The following CES1 variants were observed in gnomAD, a reference collection of about 807,000 sequenced individuals.
CES1 encodes the protein carboxylesterase 1.
Under a neutral mutation model 53.0 loss-of-function variants are expected in CES1, and 50 were observed. The ratio of observed to expected loss-of-function variants is 0.94; its 90% confidence interval spans 0.75 to 1.19. The LOEUF (loss-of-function observed/expected upper bound fraction) is 1.19, where lower values mean the gene tolerates loss of function less well. Ranked by LOEUF, CES1 falls within the 50% of genes most tolerant of loss-of-function variation. CES1 has a pLI of 0.00. For synonymous variants in CES1, 202 were observed against 210.1 expected (o/e 0.96, Z 0.33); for missense variants, 534 against 538.0 (o/e 0.99, Z 0.07).
At chr16:55,832,405 A>G (rs1157257414) in intron 1 of CES1, among the ~76,000 whole-genome samples, 1 of 152,204 alleles carries the variant, frequency 6.6e-6, no homozygotes, top group Non-Finnish European at 1.5e-5. Context: ...ACGTTTTTAA[A>G]CAGCGCCTTT....
chr16:55,830,819 A>AAGGAAGGAAGGCAGGCAGGCAGGC (rs1454708070), intron 1 of CES1, among the ~76,000 whole-genome samples: 25 of 127,344 alleles, frequency 2.0e-4, no homozygotes, highest in African/African-American at 6.6e-4. Context: ...GGAAGGAAGG[A>AAGGAAGGAAGGCAGGCAGGCAGGC]AGGCAGGCAG....
intron 7 of CES1, among the ~76,000 whole-genome samples, chr16:55,818,371 C>T (rs530771629): frequency 1.3e-5 from 2 of 152,340 alleles, no homozygotes; most frequent in South Asian, 4.1e-4. Flanking sequence ...GTTCTGGGTC[C>T]TACAGTGTTG....
At chr16:55,821,339 G>A (rs374725454) in intron 5 of CES1, 29 bp downstream of exon 5, 38 of 1,613,874 alleles carry the variant, frequency 2.4e-5, no homozygotes, top group Non-Finnish European at 3.2e-5. Flanking sequence ...ATCAAGCGTG[G>A]GGTTGGGCCT....
chr16:55,813,102 A>G lies in CES1; in HGVS notation c.946-59T>C, dbSNP rs530305153. The G allele has an allele frequency of 1.5e-4, 247 of 1,608,580 alleles. 1 individual carries two copies. Among genetic ancestry groups the G allele is most frequent in the Middle Eastern group, 9.9e-4 (6 of 6,040 alleles). The stretch of plus-strand genomic sequence containing the variant: ...CTCCCTAGTCACACCCATGTCCCCA[A>G]CTCTGCCTGTCTGAGGGTGAGACCA... On this transcript the variant is annotated intron_variant, in intron 8 of 13. Transcript: ENST00000360526.
At chr16:55,828,689 G>C (rs1182842420) in intron 2 of CES1, 78 bp downstream of exon 2, 33 of 1,507,940 alleles carry the variant, frequency 2.2e-5, no homozygotes, top group Non-Finnish European at 2.9e-5. Context: ...CAAAGGATCA[G>C]CCCGTCAGGG....
rs535426280 is a variant in CES1 at position 55,821,292 on chromosome 16, G to A, written c.693+76C>T. 8.7e-4 allele frequency: 1,361 copies of A among 1,568,176 alleles called. 5 individuals are homozygous for A. The highest frequency in any genetic ancestry group is 1.0e-3 in the Non-Finnish European group (1,175 of 1,138,724). On this transcript the variant is annotated intron_variant, in intron 5 of 13. Transcript: ENST00000360526. ...ATTGTAATCAGAGGTATCCATAGCT[G>A]GATTGACAGGTGTCCAAGAGGTCTC...
At chr16:55,830,845 G>GCAT (rs1567509568) in intron 1 of CES1, among the ~76,000 whole-genome samples, 156 of 148,828 alleles carry the variant, frequency 1.0e-3, no homozygotes, top group Admixed American at 3.6e-3. Context: ...CAGGCAGGCA[G>GCAT]GCAAGTGGGA....
intron 9 of CES1, among the ~76,000 whole-genome samples, chr16:55,811,231 A>G (rs1186886697): frequency 1.3e-5 from 2 of 151,738 alleles, no homozygotes; most frequent in African/African-American, 4.8e-5. Context: ...AACAAAAAAC[A>G]AAATTTCAGA....
intron 9 of CES1, among the ~76,000 whole-genome samples, chr16:55,811,846 C>T (rs1379788720): frequency 6.6e-6 from 1 of 152,246 alleles, no homozygotes; most frequent in Non-Finnish European, 1.5e-5. Context: ...AGGGAGCTCA[C>T]TCCTGATCTT....
At chr16:55,817,293 G>C (rs58104523) in intron 7 of CES1, among the ~76,000 whole-genome samples, 1 of 152,284 alleles carries the variant, frequency 6.6e-6, no homozygotes, top group African/African-American at 2.4e-5. Flanking sequence ...CCAACACAGA[G>C]ATGTGCAAAG....
intron 9 of CES1, among the ~76,000 whole-genome samples, chr16:55,812,009 CCT>C (rs2031720521): frequency 6.6e-6 from 1 of 152,194 alleles, no homozygotes; most frequent in Non-Finnish European, 1.5e-5. Context: ...ATGAACCAAG[CCT>C]CTCCCCATAG....
chr16:55,821,704 T>G (rs1255736792), intron 4 of CES1, among the ~76,000 whole-genome samples, 183 bp from the exon 5 acceptor site: 1 of 152,220 alleles, frequency 6.6e-6, no homozygotes, highest in Non-Finnish European at 1.5e-5. Flanking sequence ...TTCACACAAC[T>G]GGCAACTATT....
intron 11 of CES1, among the ~76,000 whole-genome samples, chr16:55,809,004 A>G (rs1261631128): frequency 6.9e-6 from 1 of 145,860 alleles, no homozygotes; most frequent in East Asian, 2.0e-4. Context: ...CTATAATTTA[A>G]CATATTAATT....
At chr16:55,815,098 G>A (rs1414780342) in intron 8 of CES1, among the ~76,000 whole-genome samples, 4 of 152,210 alleles carry the variant, frequency 2.6e-5, no homozygotes, top group Non-Finnish European at 2.9e-5. Flanking sequence ...AGTGGGAACC[G>A]CATGAGCAAA....
At chr16:55,828,324 C>T (rs1458690899) in intron 2 of CES1, 2 of 322,986 alleles carry the variant, frequency 6.2e-6, no homozygotes, top group Admixed American at 8.6e-5. Flanking sequence ...CCTCCTGGCC[C>T]ACTCCTCTCC....
intron 3 of CES1, among the ~76,000 whole-genome samples, chr16:55,825,196 G>C (rs1388042925): frequency 6.6e-6 from 1 of 152,100 alleles, no homozygotes; most frequent in African/African-American, 2.4e-5. Context: ...ATGAATGAAT[G>C]AATGAATGAA....
At chr16:55,829,950 C>T (rs1301181939) in intron 1 of CES1, among the ~76,000 whole-genome samples, 3 of 152,198 alleles carry the variant, frequency 2.0e-5, no homozygotes, top group African/African-American at 7.2e-5. Context: ...CAGCCTGTGG[C>T]CTTTCAGACA....
intron 4 of CES1, 37 bp from the exon 5 acceptor site, chr16:55,821,558 A>G: frequency 6.2e-7 from 1 of 1,613,468 alleles, no homozygotes. Context: ...TGGGGAGCAG[A>G]GATGTCATGC....
chr16:55,823,993 C>T (rs1188746626), intron 3 of CES1, among the ~76,000 whole-genome samples: 2 of 152,268 alleles, frequency 1.3e-5, no homozygotes, highest in African/African-American at 2.4e-5. Flanking sequence ...CTAAGGATGT[C>T]CTCTTCGGGA....
Sources: allele counts gnomAD v4.1 joint callset (sites outside exome capture counted in the v4.1 genomes callset), GRCh38; gene constraint gnomAD v4.1.1; transcripts MANE v1.5; gene names NCBI Gene and HGNC (gene_info 2026-07-23, HGNC 2026-07-21).